Variants in LNPK observed in about 807,000 individuals in gnomAD.
LNPK encodes the protein endoplasmic reticulum junction formation protein lunapark.
A neutral mutation model predicts 55.2 loss-of-function variants in LNPK; 29 were observed. The observed-to-expected ratio is 0.53, with a 90% CI of 0.39 to 0.72. LNPK has a LOEUF of 0.72. Among genes scored for constraint, LNPK ranks in the 30% least tolerant of loss-of-function variants. The pLI is 0.00. For synonymous variants in LNPK, 162 were observed against 168.2 expected, an observed-to-expected ratio of 0.96 and a Z score of 0.29; for missense variants, 467 against 494.8, an observed-to-expected ratio of 0.94 and a Z score of 0.53.
chr2:175,995,906 C>T (rs1289307205), intron 1 of LNPK, among the ~76,000 whole-genome samples: 3 of 147,116 alleles, frequency 2.0e-5, no homozygotes, highest in African/African-American at 5.0e-5. Context: ...TTCTGCCTCC[C>T]GGGTTAAGCG....
chr2:175,985,191 G>A (rs774565254), intron 4 of LNPK, among the ~76,000 whole-genome samples: 1 of 152,200 alleles, frequency 6.6e-6, no homozygotes, highest in Non-Finnish European at 1.5e-5. Context: ...CAGGGGTTAG[G>A]AATGCGGAAA....
intron 2 of LNPK, 28 bp from the exon 3 acceptor site, chr2:175,993,251 G>A: frequency 3.5e-6 from 5 of 1,427,068 alleles, no homozygotes; most frequent in South Asian, 2.8e-5. Flanking sequence ...ACAAGAGACA[G>A]CATTAAAACT....
intron 5 of LNPK, among the ~76,000 whole-genome samples, chr2:175,978,070 G>A (rs138367339): frequency 6.6e-6 from 1 of 152,190 alleles, no homozygotes; most frequent in African/African-American, 2.4e-5. Context: ...AGTACAGGTA[G>A]AGCTAACTTT....
chr2:175,963,696 A>C (rs1686186476), intron 8 of LNPK, among the ~76,000 whole-genome samples: 1 of 152,016 alleles, frequency 6.6e-6, no homozygotes, highest in Non-Finnish European at 1.5e-5. Context: ...TAAAACTTAA[A>C]ATATAATAAA....
intron 10 of LNPK, 44 bp from the exon 11 acceptor site, chr2:175,938,427 C>G (rs372811107): frequency 7.9e-6 from 9 of 1,132,142 alleles, no homozygotes; most frequent in Non-Finnish European, 1.2e-5. Flanking sequence ...CAAATGCAAA[C>G]AAAGCTCATG....
chr2:175,946,823 G>A (rs1685147282), intron 9 of LNPK, among the ~76,000 whole-genome samples: 2 of 152,036 alleles, frequency 1.3e-5, no homozygotes, highest in African/African-American at 2.4e-5. Context: ...CTAAAGCAGT[G>A]GACTTCCATG....
intron 12 of LNPK, among the ~76,000 whole-genome samples, chr2:175,932,616 G>C (rs919437462): frequency 5.9e-5 from 9 of 152,108 alleles, no homozygotes; most frequent in African/African-American, 2.2e-4. Context: ...AAATAAGATA[G>C]GTATTGATGT....
intron 9 of LNPK, among the ~76,000 whole-genome samples, chr2:175,947,121 C>T (rs1685170009): frequency 6.6e-6 from 1 of 151,996 alleles, no homozygotes; most frequent in African/African-American, 2.4e-5. Flanking sequence ...GAGCAAAAAA[C>T]ATCAATACAT....
At position 175,937,377 on chromosome 2, in the gene LNPK, T is replaced by C. The variant is rs1000004733; in HGVS notation, c.1021A>G (p.Ser341Gly). The C allele has an allele frequency of 6.2e-7, 1 of 1,613,736 alleles. No homozygotes were observed. Among genetic ancestry groups the C allele is most frequent in the African/African-American group, 1.3e-5 (1 of 75,026 alleles). Residue 341 changes from serine (S) to glycine (G), a missense_variant, in exon 12 of 13, where the codon AGT becomes GGT. Physicochemically the swap from Ser to Gly is moderately conservative, Grantham distance 56. Transcript: ENST00000272748. ...AACTGGTTGTCTGATGAAAGCACAC[T>C]TCCTGATGGCAAGGGACCAACTGAA... is the stretch of plus-strand genomic sequence containing the variant. ...SSSVGPLPSGSVLSSDNQFNE... is the reference protein window; with the variant it reads ...SSSVGPLPSGGVLSSDNQFNE...
chr2:175,968,747 T>G (rs1289929180), intron 6 of LNPK, among the ~76,000 whole-genome samples: 1 of 152,200 alleles, frequency 6.6e-6, no homozygotes, highest in Non-Finnish European at 1.5e-5. Flanking sequence ...AATTTCAAAT[T>G]ACATTACAAA....
At chr2:175,952,749 G>T (rs1196992441) in intron 8 of LNPK, among the ~76,000 whole-genome samples, 1 of 151,690 alleles carries the variant, frequency 6.6e-6, no homozygotes, top group African/African-American at 2.4e-5. Flanking sequence ...ACTCAATCTG[G>T]TTTTTGTGCT....
intron 1 of LNPK, among the ~76,000 whole-genome samples, chr2:175,996,059 C>T (rs539574730): frequency 1.6e-4 from 25 of 152,040 alleles, no homozygotes; most frequent in African/African-American, 4.6e-4. Flanking sequence ...GTGATCTGCC[C>T]GCCTTGGCCT....
At chr2:175,960,175 C>T (rs1685937909) in intron 8 of LNPK, among the ~76,000 whole-genome samples, 1 of 152,110 alleles carries the variant, frequency 6.6e-6, no homozygotes, top group South Asian at 2.1e-4. Flanking sequence ...ACAAGGATAT[C>T]CACGACTTGA....
Position 175,930,023 on chromosome 2 carries a change from C to G in LNPK, c.1231G>C (p.Gly411Arg). Residue 411 changes from glycine to arginine, a missense_variant, in exon 13 of 13, where the codon GGA becomes CGA. By Grantham distance (125) the Gly-to-Arg change is moderately radical. Transcript: ENST00000272748. ...SVIETNSTVP[G>R]ADSIPDPELS... Reference sequence around the variant, plus strand: ...TCAGGATCAGGAATAGAATCAGCTCCAGGAACTGTGGAGTTGGTTTCAATC... The same window carrying G: ...TCAGGATCAGGAATAGAATCAGCTCGAGGAACTGTGGAGTTGGTTTCAATC... 8 of 1,614,054 alleles carry G rather than the reference C, an allele frequency of 5.0e-6. No homozygotes were observed. The highest frequency in any genetic ancestry group is 6.8e-6 in the Non-Finnish European group (8 of 1,179,968).
intron 12 of LNPK, among the ~76,000 whole-genome samples, chr2:175,933,303 A>G (rs1019404434): frequency 6.6e-6 from 1 of 152,210 alleles, no homozygotes; most frequent in African/African-American, 2.4e-5. Context: ...ACACACATGC[A>G]AAAACATGTA....
intron 5 of LNPK, among the ~76,000 whole-genome samples, chr2:175,973,803 T>C (rs1313702320): frequency 6.6e-6 from 1 of 152,242 alleles, no homozygotes; most frequent in Non-Finnish European, 1.5e-5. Flanking sequence ...TGTTCTTTAA[T>C]TGACTACTCA....
In LNPK at chr2:175,930,319, A is replaced by C. The variant is rs536594798; in HGVS notation, c.1055-120T>G. Reference sequence around the variant, plus strand: ...ACACACACACACACACACACACACAAAGAAACCATACAATTGTCTAACATT... The same window carrying C: ...ACACACACACACACACACACACACACAGAAACCATACAATTGTCTAACATT... On this transcript the variant is annotated intron_variant, in intron 12 of 12. Coordinates refer to ENST00000272748, the MANE Select transcript of LNPK (RefSeq NM_030650.3). 4,438 of 531,032 alleles carry C rather than the reference A, an allele frequency of 8.4e-3. 13 individuals carry two copies. Among genetic ancestry groups the C allele is most frequent in the Non-Finnish European group, 0.011 (3,430 of 307,682 alleles). 32.9% of individuals were successfully genotyped at this position (531,032 alleles called of 1,614,324 possible). A position where few individuals can be genotyped will look rare whatever the true frequency, so the allele number is the denominator to read the frequency against.
intron 1 of LNPK, among the ~76,000 whole-genome samples, chr2:175,996,796 G>A (rs1004699811): frequency 1.3e-5 from 2 of 152,028 alleles, no homozygotes; most frequent in Non-Finnish European, 2.9e-5. Flanking sequence ...TATGACTCTC[G>A]AATGTTTTAT....
At chr2:175,942,427 C>A (rs1354914659) in intron 9 of LNPK, among the ~76,000 whole-genome samples, 2 of 152,076 alleles carry the variant, frequency 1.3e-5, no homozygotes, top group Non-Finnish European at 2.9e-5. Context: ...CAATACATGG[C>A]ATTCTCAGAC....
Sources: allele counts gnomAD v4.1 joint callset (sites outside exome capture counted in the v4.1 genomes callset), GRCh38; gene constraint gnomAD v4.1.1; transcripts MANE v1.5; gene names NCBI Gene and HGNC (gene_info 2026-07-23, HGNC 2026-07-21).